RAPGEFL1: variants seen among roughly 807,000 people sequenced by gnomAD.
RAPGEFL1 encodes the protein rap guanine nucleotide exchange factor-like 1.
In RAPGEFL1, 31 loss-of-function variants were observed where a neutral mutation model predicts 64.4. The ratio of observed to expected loss-of-function variants is 0.48; its 90% CI spans 0.36 to 0.65. RAPGEFL1 has a LOEUF of 0.65. RAPGEFL1 is among the 30% of genes least tolerant of loss of function. The pLI is 0.00. For missense variants in RAPGEFL1, 682 were observed against 677.4 expected, an observed-to-expected ratio of 1.01 and a Z score of -0.08; for synonymous variants, 331 against 274.1, an observed-to-expected ratio of 1.21 and a Z score of -2.05.
rs12936914 is a variant in RAPGEFL1, at chr17:40,177,971, G to A, written c.110G>A (p.Gly37Asp). 7 of 481,212 alleles carry A rather than the reference G, an allele frequency of 1.5e-5. No individual in the cohort carries two copies. The highest frequency in any genetic ancestry group is 2.0e-5 in the African/African-American group (1 of 48,796). 29.8% of individuals were successfully genotyped at this position (481,212 alleles called of 1,614,324 possible). Residue 37 changes from glycine (G) to aspartate (D), a missense_variant, in exon 1 of 15, where the codon GGT becomes GAT. By Grantham distance (94) the Gly-to-Asp change is moderately conservative. Around this residue, in one of 2 missense-constraint regions of RAPGEFL1, gnomAD observed 271 missense variants for 158.0 expected, o/e 1.72. Coordinates refer to ENST00000620260, the MANE Select transcript of RAPGEFL1 (RefSeq NM_016339.6). The stretch of plus-strand genomic sequence containing the variant: ...GGGAGCTGCGGTGGGCCTGGAGGGG[G>A]TGGGGGACCCGGCGGGGGCGGCGGT... ...GLGSCGGPGG[G>D]GGPGGGGGPA...
In RAPGEFL1 at chr17:40,178,005, G is replaced by A. The variant is rs1989769037; in HGVS notation, c.144G>A (p.Gly48=). Residue 48 remains glycine (G), a synonymous_variant, in exon 1 of 15, where the codon GGG becomes GGA. Transcript: ENST00000620260. ...GGPGGGGGPA[G]GQRSLQRRQS... ...CCGGCGGGGGCGGCGGTCCAGCCGG[G>A]GGACAGCGGTCGTTGCAGCGGCGTC... The A allele has an allele frequency of 6.0e-6, 3 of 499,226 alleles. No homozygotes were observed. The highest frequency in any genetic ancestry group is 1.1e-5 in the Non-Finnish European group (3 of 282,734). 30.9% of individuals were successfully genotyped at this position (499,226 alleles called of 1,614,324 possible). A position where few individuals can be genotyped will look rare whatever the true frequency, so the allele number is the denominator to read the frequency against.
chr17:40,191,690 G>A lies in RAPGEFL1; in HGVS notation c.1605+18G>A, dbSNP rs200693324. 5 of 1,599,552 alleles carry A rather than the reference G, an allele frequency of 3.1e-6. No homozygotes were observed. In the African/African-American group the frequency reaches 4.0e-5, roughly 13 times the overall value. On this transcript the variant is annotated intron_variant, in intron 10 of 14. Transcript: ENST00000620260. This position sits in a 1 kb window ranked among gnomAD's most constrained non-coding sequence, Gnocchi z 5.1. ...CCTGGGAGGTGATGAGACCCCTCCC[G>A]TTCCTACCTGGGAATCTGGGCATCC... is the stretch of plus-strand genomic sequence containing the variant.
Position 40,193,392 on chromosome 17 carries a change from C to A in RAPGEFL1, c.1839C>A (p.Ile613=). The part of the protein sequence containing the change: ...LHSVAEKVRT[I]RKYRSRPLCL... ...CAGTGGCCGAAAAAGTGAGGACAAT[C>A]CGCAAATACCGGAGCCGGCCCCTTT... is the stretch of plus-strand genomic sequence containing the variant. The change falls in exon 14 of 15, where the codon ATC becomes ATA. Residue 613 remains isoleucine, a synonymous_variant. Transcript: ENST00000620260. 2 of 1,614,210 alleles carry A rather than the reference C, an allele frequency of 1.2e-6. No homozygotes were observed. Among genetic ancestry groups the A allele is most frequent in the African/African-American group, 2.7e-5 (2 of 75,046 alleles).
chr17:40,192,009 C>A (rs1251061328), intron 10 of RAPGEFL1, among the ~76,000 whole-genome samples: 1 of 152,198 alleles, frequency 6.6e-6, no homozygotes, highest in Non-Finnish European at 1.5e-5. Flanking sequence ...CCTGGCCTTC[C>A]CCAGAATAAT....
At chr17:40,193,311 G>C (rs1280638445) in intron 13 of RAPGEFL1, 52 bp from the exon 14 acceptor site, 2 of 1,579,018 alleles carry the variant, frequency 1.3e-6, no homozygotes, top group East Asian at 2.2e-5. Flanking sequence ...AGCATAAGAG[G>C]GGGAGCCTCT....
At chr17:40,187,505 C>G (rs796464603) in intron 4 of RAPGEFL1, among the ~76,000 whole-genome samples, 6 of 152,204 alleles carry the variant, frequency 3.9e-5, no homozygotes, top group African/African-American at 1.4e-4. Context: ...CTGATCCTTC[C>G]CATCTCATCT....
chr17:40,179,935 T>C (rs1423535896), intron 1 of RAPGEFL1, among the ~76,000 whole-genome samples: 1 of 151,926 alleles, frequency 6.6e-6, no homozygotes, highest in African/African-American at 2.4e-5. Context: ...CACACACAGC[T>C]CTCCTAACCA....
In RAPGEFL1 at chr17:40,177,799, C is replaced by A. The variant is rs964163397; in HGVS notation, c.-63C>A. ...CTGAGCATCGTGTCTTCGCCGCCCC[C>A]CCCGCCCGCGCCTGGGATACCTGGG... On this transcript the variant is annotated 5_prime_UTR_variant, in exon 1 of 15. Coordinates refer to ENST00000620260, the MANE Select transcript of RAPGEFL1 (RefSeq NM_016339.6). The A allele has an allele frequency of 1.9e-5, 8 of 410,658 alleles. No homozygotes were observed. The East Asian group carries it at 2.5e-4, about 13-fold the overall frequency. 25.4% of individuals were successfully genotyped at this position (410,658 alleles called of 1,614,324 possible).
chr17:40,192,431 T>C (rs1567697369), intron 11 of RAPGEFL1, among the ~76,000 whole-genome samples, 168 bp downstream of exon 11: 1 of 151,946 alleles, frequency 6.6e-6, no homozygotes, highest in Non-Finnish European at 1.5e-5. Context: ...GCCCCTGTTT[T>C]TCTTGAAGGA....
At chr17:40,193,264 G>A (rs1380108389) in intron 13 of RAPGEFL1, 99 bp from the exon 14 acceptor site, 1 of 1,329,050 alleles carries the variant, frequency 7.5e-7, no homozygotes. Flanking sequence ...TTGGAGACTG[G>A]AGGGAGTAAA....
chr17:40,193,892 TTCC>T lies in RAPGEFL1; in HGVS notation c.*106_*108del. ...TCTGACATCTTTCCCGTGGAGCAAC[TTCC>T]TGCTCCACGGGAAAGAGGTCGATGG... On this transcript the variant is annotated 3_prime_UTR_variant, in exon 15 of 15. Transcript: ENST00000620260. The T allele has an allele frequency of 4.8e-6, 7 of 1,449,492 alleles. No homozygotes were observed. Among genetic ancestry groups the T allele is most frequent in the Non-Finnish European group, 6.5e-6 (7 of 1,068,824 alleles). 89.8% of individuals were successfully genotyped at this position (1,449,492 alleles called of 1,614,324 possible).
chr17:40,177,675 T>TC lies in RAPGEFL1; in HGVS notation c.-182dup, dbSNP rs1229451234. ...GCGAGCACTCCTTTCCTCTGGCACC[T>TC]CCCCCGGCTACTGGCCACTGGACTC... is the stretch of plus-strand genomic sequence containing the variant. On this transcript the variant is annotated 5_prime_UTR_variant, in exon 1 of 15. Coordinates refer to ENST00000620260, the MANE Select transcript of RAPGEFL1 (RefSeq NM_016339.6). The TC allele has an allele frequency of 3.2e-5, 13 of 408,368 alleles. No homozygotes were observed. In the Admixed American group the frequency reaches 5.8e-4, roughly 18 times the overall value. 25.3% of individuals were successfully genotyped at this position (408,368 alleles called of 1,614,324 possible). A position where few individuals can be genotyped will look rare whatever the true frequency, so the allele number is the denominator to read the frequency against.
At chr17:40,193,637 G>T in intron 14 of RAPGEFL1, 27 bp from the exon 15 acceptor site, 1 of 1,613,862 alleles carries the variant, frequency 6.2e-7, no homozygotes, top group South Asian at 1.1e-5. Flanking sequence ...CTGGGAACCT[G>T]ACTGCCTCTC....
At chr17:40,193,470 A>AG in intron 14 of RAPGEFL1, 53 bp downstream of exon 14, 1 of 1,598,836 alleles carries the variant, frequency 6.3e-7, no homozygotes, top group Non-Finnish European at 8.6e-7. Context: ...ACTGAACGGG[A>AG]GGGTTCAGGG....
chr17:40,178,413 CA>C, intron 1 of RAPGEFL1, 32 bp downstream of exon 1: 1 of 474,778 alleles, frequency 2.1e-6, no homozygotes, highest in Non-Finnish European at 3.8e-6. Flanking sequence ...ACACCCAGAG[CA>C]GGGGCTGGCC....
Position 40,189,490 on chromosome 17 carries a change from C to T in RAPGEFL1, c.1114+115C>T, listed in dbSNP as rs564257161. On this transcript the variant is annotated intron_variant, in intron 6 of 14. Coordinates refer to ENST00000620260, the MANE Select transcript of RAPGEFL1 (RefSeq NM_016339.6). ...GCCCTTGCTACTCAAAGTATGGTCC[C>T]GGGACAAGCCTCATGTGCATCGCCT... 1.3e-4 allele frequency: 154 copies of T among 1,196,924 alleles called. No homozygotes were observed. The African/African-American group carries it at 2.0e-3, about 16-fold the overall frequency. The allele number at this position is 1,196,924 out of a possible 1,614,324, so 74.1% of individuals were successfully genotyped here.
chr17:40,184,395 G>A (rs1271626634), intron 3 of RAPGEFL1, 46 bp downstream of exon 3: 2 of 1,534,078 alleles, frequency 1.3e-6, no homozygotes, highest in South Asian at 2.4e-5. Context: ...TATTAGCTCT[G>A]GAAGGGGGCC....
intron 1 of RAPGEFL1, among the ~76,000 whole-genome samples, chr17:40,179,901 G>T (rs1476171788): frequency 3.9e-5 from 6 of 152,066 alleles, no homozygotes. Context: ...GACACCTTTT[G>T]GATTTAATTA....
intron 3 of RAPGEFL1, 58 bp downstream of exon 3, chr17:40,184,407 C>T (rs1241786511): frequency 2.0e-6 from 3 of 1,465,722 alleles, no homozygotes; most frequent in Non-Finnish European, 2.8e-6. Flanking sequence ...AAGGGGGCCC[C>T]TGTGAAGGAG....
Sources: gnomAD v4.1 joint callset for allele counts (sites outside exome capture counted in the v4.1 genomes callset) on GRCh38, gnomAD v4.1.1 for gene constraint, gnomAD v4.1.1 regional missense constraint, Gnocchi (gnomAD v3.1) non-coding constraint, MANE v1.5 for transcripts, NCBI Gene and HGNC (gene_info 2026-07-23, HGNC 2026-07-21) for gene names.